Variants in PHC1 observed in about 807,000 individuals in gnomAD.
PHC1 encodes polyhomeotic homolog 1, also known as polyhomeotic-like protein 1.
In PHC1, 12 loss-of-function variants were observed where a neutral mutation model predicts 104.3. That is an observed-to-expected ratio of 0.12 (90% CI 0.07 to 0.19). The LOEUF (loss-of-function observed/expected upper bound fraction) is 0.19. Ranked by LOEUF, PHC1 falls within the 10% of genes least tolerant of loss-of-function variation. PHC1 has a pLI of 1.00. For missense variants in PHC1, 671 were observed against 1,200.0 expected, an observed-to-expected ratio of 0.56 and a Z score of 6.51; for synonymous variants, 302 against 455.8, an observed-to-expected ratio of 0.66 and a Z score of 4.30.
chr12:8,922,198 T>C lies in PHC1; in HGVS notation c.457-435T>C, dbSNP rs1945386093. On this transcript the variant is annotated intron_variant, in intron 5 of 14. Coordinates refer to ENST00000544916, the MANE Select transcript of PHC1 (RefSeq NM_004426.3). ...TCCCATACTTTACTTAACCTGGAAGTGATGTTCTGTGTTCACAGGTAGCCT... is the reference window on the plus strand; with the variant it reads ...TCCCATACTTTACTTAACCTGGAAGCGATGTTCTGTGTTCACAGGTAGCCT... Among the ~76,000 whole-genome samples, 3 of 152,220 alleles carry C rather than the reference T, an allele frequency of 2.0e-5. No individual in the cohort carries two copies. The South Asian group carries it at 6.2e-4, about 32-fold the overall frequency.
intron 11 of PHC1, among the ~76,000 whole-genome samples, chr12:8,936,129 C>G (rs944829552): frequency 6.6e-6 from 1 of 152,098 alleles, no homozygotes; most frequent in Non-Finnish European, 1.5e-5. Flanking sequence ...ACCTATAATT[C>G]CAGTACTTTG....
chr12:8,914,410 C>T (rs530727113), upstream of PHC1: 1 of 107,456 alleles, frequency 9.3e-6, no homozygotes, highest in Non-Finnish European at 1.9e-5. Flanking sequence ...ACGAGGGACG[C>T]GCGGGAGGGA....
At chr12:8,927,900 TC>T (rs1945569492) in intron 6 of PHC1, among the ~76,000 whole-genome samples, 3 of 115,874 alleles carry the variant, frequency 2.6e-5, no homozygotes, top group Admixed American at 8.4e-5. Flanking sequence ...TTTCTTTCTT[TC>T]TTTCTTTCTT....
At position 8,925,192 on chromosome 12, in the gene PHC1, CTGTAAAATAGGTAT is replaced by C. The variant is rs1479765986; in HGVS notation, c.612+2410_612+2423del. Among the ~76,000 whole-genome samples, 5 of 152,180 alleles carry C rather than the reference CTGTAAAATAGGTAT, an allele frequency of 3.3e-5. No homozygotes were observed. The East Asian group carries it at 9.6e-4, about 29-fold the overall frequency. Reference sequence around the variant, plus strand: ...ATCTTTCTGTTATCGTTTTTTTCATCTGTAAAATAGGTATTGTAATATACCTACCTCAGGATGTG... The same window carrying C: ...ATCTTTCTGTTATCGTTTTTTTCATCTGTAATATACCTACCTCAGGATGTG... On this transcript the variant is annotated intron_variant, in intron 6 of 14. Coordinates refer to ENST00000544916, the MANE Select transcript of PHC1 (RefSeq NM_004426.3).
In PHC1 at chr12:8,939,592, C is replaced by A; in HGVS notation, c.*133C>A. The A allele has an allele frequency of 1.7e-6, 1 of 586,832 alleles. No homozygotes were observed. Among genetic ancestry groups the A allele is most frequent in the Admixed American group, 3.1e-5 (1 of 32,556 alleles). 36.4% of individuals were successfully genotyped at this position (586,832 alleles called of 1,614,324 possible). A position where few individuals can be genotyped will look rare whatever the true frequency, so the allele number is the denominator to read the frequency against. On this transcript the variant is annotated 3_prime_UTR_variant, in exon 15 of 15. Transcript: ENST00000544916. ...AACCTTCTGTAGGGGATTACTGAGA[C>A]AGGGAAGAGAAGTGCAAGAATTGGT...
At chr12:8,938,114 C>T in intron 14 of PHC1, 54 bp downstream of exon 14, 1 of 1,225,168 alleles carries the variant, frequency 8.2e-7, no homozygotes, top group Admixed American at 1.9e-5. Context: ...CATCATCCCA[C>T]AGGGGCCTTG....
At chr12:8,924,352 C>T (rs1466771543) in intron 6 of PHC1, among the ~76,000 whole-genome samples, 1 of 152,120 alleles carries the variant, frequency 6.6e-6, no homozygotes, top group East Asian at 1.9e-4. Context: ...TGGTGTGTGC[C>T]TGTAGTTCCA....
At chr12:8,931,421 C>T (rs78267099) in intron 7 of PHC1, among the ~76,000 whole-genome samples, 4,753 of 152,230 alleles carry the variant, frequency 0.031, 222 homozygotes, top group African/African-American at 0.11. Flanking sequence ...AATGGAGAGG[C>T]GGGGTGCGGT....
chr12:8,917,389 G>A (rs780322249), intron 1 of PHC1, among the ~76,000 whole-genome samples: 3 of 152,342 alleles, frequency 2.0e-5, no homozygotes, highest in Non-Finnish European at 4.4e-5. Flanking sequence ...TGACAGCCAT[G>A]AGGGAATACG....
At chr12:8,934,244 C>T (rs960650981) in intron 9 of PHC1, 23 bp from the exon 10 acceptor site, 1 of 1,580,150 alleles carries the variant, frequency 6.3e-7, no homozygotes. Context: ...ATGTCTGTTG[C>T]TTAATCTGTG....
intron 11 of PHC1, 95 bp downstream of exon 11, chr12:8,935,333 A>G: frequency 1.5e-6 from 1 of 674,522 alleles, no homozygotes; most frequent in Admixed American, 2.7e-5. Flanking sequence ...ATTTATTTAA[A>G]GTAGAAATGA....
At chr12:8,939,158 TTTTGCTTTTAAA>T (rs1945935499) in intron 14 of PHC1, 135 bp from the exon 15 acceptor site, 3 of 978,640 alleles carry the variant, frequency 3.1e-6, no homozygotes, top group Non-Finnish European at 4.6e-6. Flanking sequence ...TCTAATTTCA[TTTTGCTTTTAAA>T]GCTTGCCATC....
rs140650800 is a variant in PHC1, at chr12:8,919,803, C to T, written c.162C>T (p.His54=). ...QRQPNAAQYF[H]QFMLQQQLSN... ...AGCCCAATGCAGCTCAGTATTTCCA[C>T]CAGTTCATGCTCCAGCAGCAGCTCA... The change falls in exon 3 of 15, where the codon CAC becomes CAT. Residue 54 remains histidine, a synonymous_variant. Coordinates refer to ENST00000544916, the MANE Select transcript of PHC1 (RefSeq NM_004426.3). This position sits in a 1 kb window ranked among gnomAD's most constrained non-coding sequence, Gnocchi z 4.9. The T allele has an allele frequency of 7.5e-4, 1,210 of 1,612,592 alleles. 1 individual carries two copies. The highest frequency in any genetic ancestry group is 9.1e-4 in the Non-Finnish European group (1,077 of 1,179,564).
intron 10 of PHC1, 72 bp downstream of exon 10, chr12:8,934,550 TA>T: frequency 9.8e-7 from 1 of 1,015,630 alleles, no homozygotes; most frequent in Non-Finnish European, 1.5e-6. Flanking sequence ...CAAACTCCAG[TA>T]AAAGTAAAAG....
chr12:8,933,496 C>A, intron 8 of PHC1, 146 bp downstream of exon 8: 3 of 1,048,888 alleles, frequency 2.9e-6, no homozygotes, highest in Non-Finnish European at 2.7e-6. Flanking sequence ...AAGAGAGTGA[C>A]ACATTATATA....
chr12:8,921,813 T>G, intron 5 of PHC1, 63 bp downstream of exon 5: 1 of 1,459,978 alleles, frequency 6.8e-7, no homozygotes, highest in Non-Finnish European at 9.2e-7. Context: ...GGCAAAGACT[T>G]GAGTGAAAGC....
intron 11 of PHC1, among the ~76,000 whole-genome samples, chr12:8,935,885 C>T (rs1167158930): frequency 6.6e-6 from 1 of 151,980 alleles, no homozygotes; most frequent in East Asian, 2.0e-4. Context: ...CTCAGCCTCC[C>T]GAGTAACTGG....
In PHC1 at chr12:8,937,945, T is replaced by C. The variant is rs760385400; in HGVS notation, c.2745T>C (p.Asn915=). The change falls in exon 14 of 15, where the codon AAT becomes AAC. Residue 915 remains asparagine, a synonymous_variant. Coordinates refer to ENST00000544916, the MANE Select transcript of PHC1 (RefSeq NM_004426.3). ...GGCATGGAGAACGTGACCTGGGGAATCCCAATACAGCTCCACCTACACCGG... is the reference window on the plus strand; with the variant it reads ...GGCATGGAGAACGTGACCTGGGGAACCCCAATACAGCTCCACCTACACCGG... ...RAGHGERDLG[N]PNTAPPTPEL... is the part of the protein sequence containing the mutation. 18 of 1,602,346 alleles carry C rather than the reference T, an allele frequency of 1.1e-5. No homozygotes were observed. The Admixed American group carries it at 2.0e-4, about 18-fold the overall frequency.
intron 8 of PHC1, chr12:8,933,640 A>G: frequency 1.7e-6 from 1 of 603,768 alleles, no homozygotes; most frequent in Non-Finnish European, 2.8e-6. Flanking sequence ...GTCTACGTGA[A>G]TACAGGGTCT....
Sources: gnomAD v4.1 joint callset for allele counts (sites outside exome capture counted in the v4.1 genomes callset) on GRCh38, gnomAD v4.1.1 for gene constraint, Gnocchi (gnomAD v3.1) non-coding constraint, MANE v1.5 for transcripts, NCBI Gene and HGNC (gene_info 2026-07-23, HGNC 2026-07-21) for gene names.